OR9Q1: variants seen among roughly 807,000 people sequenced by gnomAD.
OR9Q1 encodes olfactory receptor 9Q1.
For synonymous variants in OR9Q1, 153 were observed against 148.6 expected (o/e 1.03, Z -0.22); for missense variants, 374 against 378.8 (o/e 0.99, Z 0.11).
intron 2 of OR9Q1, among the ~76,000 whole-genome samples, chr11:58,162,524 A>G (rs1328443080): frequency 1.3e-5 from 2 of 152,174 alleles, no homozygotes; most frequent in Non-Finnish European, 2.9e-5. Flanking sequence ...TGGAAAAGGT[A>G]GGGCACTAAG....
chr11:58,160,574 C>G (rs58125136), intron 2 of OR9Q1, among the ~76,000 whole-genome samples: 1 of 152,078 alleles, frequency 6.6e-6, no homozygotes, highest in Non-Finnish European at 1.5e-5. Flanking sequence ...ATTCTCTTGT[C>G]TCAGCCTCCC....
At chr11:58,039,897 T>C (rs368179180) in intron 1 of OR9Q1, among the ~76,000 whole-genome samples, 10 of 152,340 alleles carry the variant, frequency 6.6e-5, no homozygotes, top group African/African-American at 1.9e-4. Context: ...TATGATTTTA[T>C]TGATTTATTT....
chr11:58,100,447 A>G (rs1853772643), intron 2 of OR9Q1, among the ~76,000 whole-genome samples: 1 of 152,062 alleles, frequency 6.6e-6, no homozygotes, highest in South Asian at 2.1e-4. Flanking sequence ...TTGCTTTTGT[A>G]TGTGTTATAA....
chr11:58,135,795 A>G (rs773630651), intron 2 of OR9Q1, among the ~76,000 whole-genome samples: 2 of 152,332 alleles, frequency 1.3e-5, no homozygotes, highest in South Asian at 4.1e-4. Context: ...TTTTTGAGCT[A>G]TATAAATATT....
In OR9Q1 at chr11:58,067,996, C is replaced by T. The variant is rs116098240; in HGVS notation, c.-15+12049C>T. Among the ~76,000 whole-genome samples, 1,181 of 152,190 alleles carry T rather than the reference C, an allele frequency of 7.8e-3. 12 individuals carry two copies. The highest frequency in any genetic ancestry group is 0.026 in the African/African-American group (1,071 of 41,526). On this transcript the variant is annotated intron_variant, in intron 2 of 2. Coordinates refer to ENST00000335397, the MANE Select transcript of OR9Q1 (RefSeq NM_001005212.4). ...CATGCACCATGTCCTTTCTCACCCA[C>T]GCTGCCTCACAGAGCAAGAGAGACA...
In OR9Q1 at chr11:58,172,692, G is replaced by T. The variant is rs143142841; in HGVS notation, c.-14-6739G>T. 3.3e-5 allele frequency among the ~76,000 whole-genome samples: 5 copies of T among 152,152 alleles called. 1 individual carries two copies. Among genetic ancestry groups the T allele is most frequent in the African/African-American group, 1.2e-4 (5 of 41,504 alleles). On this transcript the variant is annotated intron_variant, in intron 2 of 2. Transcript: ENST00000335397. ...GATTTTTTTTAAAAAAATGTTGTGGGTACATAGTAGGTGTATATATTTATG... is the reference window on the plus strand; with the variant it reads ...GATTTTTTTTAAAAAAATGTTGTGGTTACATAGTAGGTGTATATATTTATG...
chr11:58,091,327 G>A (rs1401525117), intron 2 of OR9Q1, among the ~76,000 whole-genome samples: 7 of 152,262 alleles, frequency 4.6e-5, no homozygotes, highest in Admixed American at 3.3e-4. Context: ...GTGTTCCAGA[G>A]ATTCTGGTAT....
At chr11:58,134,497 T>C (rs764862906) in intron 2 of OR9Q1, among the ~76,000 whole-genome samples, 29 of 152,200 alleles carry the variant, frequency 1.9e-4, no homozygotes, top group Non-Finnish European at 2.9e-4. Flanking sequence ...TGAGTGGAAC[T>C]GTGACCTGTG....
At chr11:58,039,882 C>T (rs1325034446) in intron 1 of OR9Q1, among the ~76,000 whole-genome samples, 1 of 152,182 alleles carries the variant, frequency 6.6e-6, no homozygotes, top group Non-Finnish European at 1.5e-5. Flanking sequence ...GGTTTTGCCA[C>T]TGGGTATGAT....
intron 2 of OR9Q1, chr11:58,124,677 T>C (rs187431691): frequency 1.3e-5 from 2 of 152,320 alleles, no homozygotes; most frequent in East Asian, 3.9e-4. Flanking sequence ...TATTTTATTT[T>C]ACAGATGAGG....
chr11:58,089,656 A>T lies in OR9Q1; in HGVS notation c.-15+33709A>T, dbSNP rs140072045. Among the ~76,000 whole-genome samples, 1,379 of 152,012 alleles carry T rather than the reference A, an allele frequency of 9.1e-3. 16 individuals carry two copies. The highest frequency in any genetic ancestry group is 0.022 in the South Asian group (104 of 4,826). On this transcript the variant is annotated intron_variant, in intron 2 of 2. Transcript: ENST00000335397. ...GTGGGCTCTTTTTTGGTTCCATATG[A>T]AATTTAAAGTAGTTTTTTTCTAATT...
chr11:58,139,752 A>G (rs1362754049), intron 2 of OR9Q1, among the ~76,000 whole-genome samples: 2 of 152,100 alleles, frequency 1.3e-5, no homozygotes, highest in African/African-American at 2.4e-5. Flanking sequence ...ATACGTGTGC[A>G]TGTGTCTTTA....
intron 2 of OR9Q1, among the ~76,000 whole-genome samples, 168 bp from the exon 3 acceptor site, chr11:58,179,263 T>G (rs1195976735): frequency 6.6e-6 from 1 of 152,058 alleles, no homozygotes; most frequent in East Asian, 1.9e-4. Context: ...TGGGCTCAAG[T>G]GATCCCACTG....
chr11:58,054,016 G>C (rs79769104), intron 1 of OR9Q1, among the ~76,000 whole-genome samples: 17,158 of 152,092 alleles, frequency 0.11, 1,524 homozygotes, highest in African/African-American at 0.22. Flanking sequence ...TGGTGACTAT[G>C]GGTGGTGATG....
intron 2 of OR9Q1, among the ~76,000 whole-genome samples, chr11:58,101,994 C>G (rs982298878): frequency 1.3e-5 from 2 of 152,288 alleles, no homozygotes; most frequent in Admixed American, 1.3e-4. Flanking sequence ...GATCCACCCC[C>G]CTTGGCTTCC....
At chr11:58,026,488 C>G (rs928463329) in intron 1 of OR9Q1, among the ~76,000 whole-genome samples, 1 of 151,854 alleles carries the variant, frequency 6.6e-6, no homozygotes, top group African/African-American at 2.4e-5. Context: ...TCGAGACCAG[C>G]CTGGCCAATA....
At position 58,133,597 on chromosome 11, in the gene OR9Q1, A is replaced by G. The variant is rs1486513474; in HGVS notation, c.-14-45834A>G. Among the ~76,000 whole-genome samples, 3 of 152,354 alleles carry G rather than the reference A, an allele frequency of 2.0e-5. No individual in the cohort carries two copies. In the East Asian group the frequency reaches 5.8e-4, roughly 29 times the overall value. On this transcript the variant is annotated intron_variant, in intron 2 of 2. Transcript: ENST00000335397. ...TAACATGGAACTGATAATGCCTTGC[A>G]TACCTACTCCACGTGATTGTTTTCA... is the stretch of plus-strand genomic sequence containing the variant.
intron 2 of OR9Q1, among the ~76,000 whole-genome samples, chr11:58,153,031 T>A (rs1056013321): frequency 1.3e-5 from 2 of 152,228 alleles, no homozygotes; most frequent in Non-Finnish European, 2.9e-5. Context: ...AGGCACTTAG[T>A]AAGCTCTTCT....
chr11:58,068,346 A>G (rs1853450279), intron 2 of OR9Q1, among the ~76,000 whole-genome samples: 1 of 151,330 alleles, frequency 6.6e-6, no homozygotes, highest in South Asian at 2.1e-4. Context: ...ACTCTGTCTC[A>G]AAAAGAAAAA....
Sources: allele counts gnomAD v4.1 joint callset (sites outside exome capture counted in the v4.1 genomes callset), GRCh38; gene constraint gnomAD v4.1.1; transcripts MANE v1.5; gene names NCBI Gene and HGNC (gene_info 2026-07-23, HGNC 2026-07-21).